Variants in TXLNB observed in about 807,000 individuals in gnomAD.
TXLNB encodes taxilin beta.
A neutral mutation model predicts 57.4 loss-of-function variants in TXLNB; 37 were observed. That is an observed-to-expected ratio of 0.64 (90% CI 0.50 to 0.85). The LOEUF is 0.85. Among genes scored for constraint, TXLNB ranks in the 40% least tolerant of loss-of-function variants. The probability of loss-of-function intolerance (pLI) is 0.00; values close to 1 mark genes in which losing one functional copy is unlikely to be tolerated. For missense variants in TXLNB, 848 were observed against 825.6 expected (o/e 1.03, Z -0.33); for synonymous variants, 302 against 309.6 (o/e 0.98, Z 0.26).
At chr6:139,244,543 G>T in intron 9 of TXLNB, 52 bp downstream of exon 9, 1 of 1,207,992 alleles carries the variant, frequency 8.3e-7, no homozygotes, top group South Asian at 1.2e-5. Context: ...TCGTAAGTTT[G>T]AATGTTTTGA....
chr6:139,313,811 C>G, the TXLNB span, among the ~76,000 whole-genome samples: 3 of 152,032 alleles, frequency 2.0e-5, no homozygotes, highest in Non-Finnish European at 2.9e-5. Flanking sequence ...TCTAAGCCCC[C>G]CAACCGACTG....
chr6:139,174,126 C>T, the TXLNB span, among the ~76,000 whole-genome samples: 1 of 152,226 alleles, frequency 6.6e-6, no homozygotes, highest in Non-Finnish European at 1.5e-5. Context: ...GTAAGCCCAG[C>T]AGCCCTTTTT....
At chr6:139,323,071 G>A in the TXLNB span, among the ~76,000 whole-genome samples, 11 of 152,190 alleles carry the variant, frequency 7.2e-5, no homozygotes, top group Non-Finnish European at 1.3e-4. Flanking sequence ...AACTGACTAG[G>A]AATAATTTCA....
chr6:139,203,659 T>C, the TXLNB span: 4 of 152,194 alleles, frequency 2.6e-5, no homozygotes, highest in Non-Finnish European at 4.4e-5. Context: ...AAGAGAGAAA[T>C]TGCTCAGCAG....
chr6:139,293,046 G>A (rs556597829), upstream of TXLNB, among the ~76,000 whole-genome samples: 102 of 152,276 alleles, frequency 6.7e-4, no homozygotes, highest in African/African-American at 2.4e-3. Flanking sequence ...GGATCCTGAG[G>A]TAGGGAGGTT....
chr6:139,243,073 A>C lies in TXLNB; in HGVS notation c.1508T>G (p.Leu503Arg). 6.2e-7 allele frequency: 1 copy of C among 1,614,196 alleles called. No homozygotes were observed. Among genetic ancestry groups the C allele is most frequent in the Non-Finnish European group, 8.5e-7 (1 of 1,180,034 alleles). Residue 503 changes from leucine (L) to arginine (R), a missense_variant, in exon 10 of 10, where the codon CTG becomes CGG. By Grantham distance (102) the Leu-to-Arg change is moderately radical. Transcript: ENST00000358430. The stretch of plus-strand genomic sequence containing the variant: ...ATGAATTATCATGAAGGCTGTGGCC[A>C]GATTTTTCACGGCGGTTTGGACACT... The part of the protein sequence containing the change: ...VNSVQTAVKN[L>R]ATAFMIIHHP...
chr6:139,274,659 C>A (rs76725416), intron 3 of TXLNB, among the ~76,000 whole-genome samples: 2 of 152,086 alleles, frequency 1.3e-5, no homozygotes, highest in African/African-American at 4.8e-5. Flanking sequence ...ATGAACAACC[C>A]TGGCTCATGG....
downstream of TXLNB, among the ~76,000 whole-genome samples, chr6:139,235,698 C>T (rs559244345): frequency 6.6e-6 from 1 of 152,098 alleles, no homozygotes; most frequent in East Asian, 1.9e-4. Context: ...GCTGTACCCT[C>T]GAGCCTGTGC....
the TXLNB span, among the ~76,000 whole-genome samples, chr6:139,221,192 G>A: frequency 6.6e-6 from 1 of 152,198 alleles, no homozygotes; most frequent in African/African-American, 2.4e-5. Flanking sequence ...GCTAAGCAAA[G>A]CATCCCACAG....
the TXLNB span, among the ~76,000 whole-genome samples, chr6:139,204,056 T>TA: frequency 1.2e-5 from 1 of 81,924 alleles, no homozygotes; most frequent in African/African-American, 5.5e-5. Context: ...ATGTCCTAAT[T>TA]TTTTTTTTTT....
chr6:139,179,734 C>G, the TXLNB span: 5 of 152,002 alleles, frequency 3.3e-5, no homozygotes, highest in Admixed American at 2.0e-4. Flanking sequence ...GCCCTGAATA[C>G]TTTGATTGGA....
the TXLNB span, among the ~76,000 whole-genome samples, chr6:139,164,269 A>G: frequency 3.3e-3 from 500 of 152,170 alleles, 1 homozygote; most frequent in Non-Finnish European, 5.3e-3. Flanking sequence ...TCTGTCATCT[A>G]TACACATAAT....
At chr6:139,208,520 G>T in the TXLNB span, among the ~76,000 whole-genome samples, 1 of 152,142 alleles carries the variant, frequency 6.6e-6, no homozygotes, top group African/African-American at 2.4e-5. Flanking sequence ...TATCTGTGAT[G>T]AACATAGATG....
chr6:139,314,684 T>C, the TXLNB span, among the ~76,000 whole-genome samples: 4 of 152,198 alleles, frequency 2.6e-5, no homozygotes, highest in East Asian at 1.9e-4. Flanking sequence ...CCATTGACAG[T>C]GATTACTTGT....
At chr6:139,205,521 A>C in the TXLNB span, among the ~76,000 whole-genome samples, 3 of 152,212 alleles carry the variant, frequency 2.0e-5, no homozygotes, top group Non-Finnish European at 4.4e-5. Context: ...CACACTTAGC[A>C]AAATACAAAA....
At chr6:139,281,317 C>G (rs576572339) in intron 2 of TXLNB, among the ~76,000 whole-genome samples, 3 of 152,236 alleles carry the variant, frequency 2.0e-5, no homozygotes, top group Admixed American at 2.0e-4. Flanking sequence ...TACAAAGGTT[C>G]TCTTACTCCT....
chr6:139,177,131 A>G, the TXLNB span: 2 of 817,834 alleles, frequency 2.4e-6, no homozygotes, highest in Non-Finnish European at 4.3e-6. This position sits in a 1 kb window ranked among gnomAD's most constrained non-coding sequence, Gnocchi z 4.9. Flanking sequence ...AGTAATAGCT[A>G]TTTTATTGAT....
At chr6:139,305,039 G>A in the TXLNB span, among the ~76,000 whole-genome samples, 2 of 152,176 alleles carry the variant, frequency 1.3e-5, no homozygotes, top group Admixed American at 1.3e-4. Flanking sequence ...TTGATAGCCT[G>A]TAATATGAAA....
At chr6:139,207,991 G>T in the TXLNB span, among the ~76,000 whole-genome samples, 1 of 152,072 alleles carries the variant, frequency 6.6e-6, no homozygotes, top group Non-Finnish European at 1.5e-5. Context: ...TATGAGAATT[G>T]CTTGGGCCTG....
Sources: gnomAD v4.1 joint callset for allele counts (sites outside exome capture counted in the v4.1 genomes callset) on GRCh38, gnomAD v4.1.1 for gene constraint, Gnocchi (gnomAD v3.1) non-coding constraint, MANE v1.5 for transcripts, NCBI Gene and HGNC (gene_info 2026-07-23, HGNC 2026-07-21) for gene names.